Variants in DIP2C observed in about 807,000 individuals in gnomAD.
DIP2C encodes the protein disco-interacting protein 2 homolog C.
A neutral mutation model predicts 192.4 loss-of-function variants in DIP2C; 33 were observed. The observed-to-expected ratio is 0.17, with a 90% CI of 0.13 to 0.23. The LOEUF (loss-of-function observed/expected upper bound fraction) is 0.23. Ranked by LOEUF, DIP2C falls within the 10% of genes least tolerant of loss-of-function variation. The pLI is 1.00. For missense variants in DIP2C, 1,537 were observed against 2,110.1 expected (o/e 0.73, Z 5.32); for synonymous variants, 979 against 864.1 (o/e 1.13, Z -2.33).
rs567262057 is a variant in DIP2C, at chr10:425,018, T to C, written c.395-1985A>G. On this transcript the variant is annotated intron_variant, in intron 4 of 36. Transcript: ENST00000280886. ...ATACAGCATGACCAGCGGTGACTAA[T>C]ACGACACGGATGATACAGCATGACC... Among the ~76,000 whole-genome samples, 521 of 141,774 alleles carry C rather than the reference T, an allele frequency of 3.7e-3. 2 individuals are homozygous for C. The highest frequency in any genetic ancestry group is 0.013 in the African/African-American group (500 of 37,476). 93.0% of individuals were successfully genotyped at this position (141,774 alleles called of 152,430 possible).
At chr10:408,051 T>C (rs138975256) in intron 9 of DIP2C, among the ~76,000 whole-genome samples, 5 of 152,222 alleles carry the variant, frequency 3.3e-5, no homozygotes, top group East Asian at 1.9e-4. Context: ...ATTTTCTTTA[T>C]GTTTTCTTCT....
intron 2 of DIP2C, among the ~76,000 whole-genome samples, chr10:482,998 C>T (rs1243775838): frequency 6.6e-6 from 1 of 152,180 alleles, no homozygotes; most frequent in Non-Finnish European, 1.5e-5. Context: ...CTTCCTGGCT[C>T]CGGACAGTCT....
chr10:294,163 T>C, intron 32 of DIP2C, among the ~76,000 whole-genome samples: 1 of 152,176 alleles, frequency 6.6e-6, no homozygotes, highest in Non-Finnish European at 1.5e-5. Flanking sequence ...AGACACCATT[T>C]GCAGGTGTGG....
chr10:423,952 T>C (rs189629773), intron 4 of DIP2C, among the ~76,000 whole-genome samples: 7 of 152,370 alleles, frequency 4.6e-5, no homozygotes, highest in African/African-American at 1.7e-4. Context: ...TCTGTGCAGA[T>C]TGGATATCTT....
At chr10:671,807 A>G in intron 1 of DIP2C, among the ~76,000 whole-genome samples, 1 of 147,158 alleles carries the variant, frequency 6.8e-6, no homozygotes, top group East Asian at 2.1e-4. Flanking sequence ...CAGGCCACAG[A>G]CGCACGGACG....
At chr10:452,954 G>A (rs912369021) in intron 3 of DIP2C, among the ~76,000 whole-genome samples, 2 of 152,228 alleles carry the variant, frequency 1.3e-5, no homozygotes, top group Non-Finnish European at 2.9e-5. Flanking sequence ...CGAGGAAGGG[G>A]GCAGTGTTGG....
chr10:432,369 A>G (rs1007331511), intron 4 of DIP2C, among the ~76,000 whole-genome samples: 3 of 152,204 alleles, frequency 2.0e-5, no homozygotes, highest in Non-Finnish European at 2.9e-5. Context: ...AATTTAACAG[A>G]TACAGGCCTA....
intron 31 of DIP2C, among the ~76,000 whole-genome samples, chr10:314,780 A>G (rs1054704327): frequency 3.3e-5 from 5 of 152,212 alleles, no homozygotes; most frequent in South Asian, 2.1e-4. Flanking sequence ...GGCCTCTTTT[A>G]TAAGGGTGGA....
Position 488,018 on chromosome 10 carries a change from G to A in DIP2C, c.86-1488C>T, listed in dbSNP as rs180722497. Among the ~76,000 whole-genome samples the A allele has an allele frequency of 1.0e-3, 158 of 152,298 alleles. 1 individual carries two copies. Among genetic ancestry groups the A allele is most frequent in the African/African-American group, 3.6e-3 (149 of 41,574 alleles). On this transcript the variant is annotated intron_variant, in intron 1 of 36. Transcript: ENST00000280886. ...GCTTTTGGAAATGCCTTGTTAACCC[G>A]TTTTACAAACAATGTCCAAAATCTG...
At chr10:552,521 A>G (rs907882031) in intron 1 of DIP2C, among the ~76,000 whole-genome samples, 5 of 152,238 alleles carry the variant, frequency 3.3e-5, no homozygotes, top group African/African-American at 1.2e-4. Context: ...AATTCTGTTC[A>G]GTCTATTTCA....
chr10:359,448 T>A (rs1959206736), intron 22 of DIP2C, among the ~76,000 whole-genome samples: 2 of 152,210 alleles, frequency 1.3e-5, no homozygotes. Flanking sequence ...AGGCGACGTG[T>A]AGGAGCCTCG....
chr10:496,592 A>C (rs933268342), intron 1 of DIP2C, among the ~76,000 whole-genome samples: 2 of 151,224 alleles, frequency 1.3e-5, no homozygotes, highest in African/African-American at 4.9e-5. Context: ...CTGTGTACTT[A>C]AAATCTGTAC....
At position 689,636 on chromosome 10, in the gene DIP2C, G is replaced by A; in HGVS notation, c.-58C>T. 9.6e-7 allele frequency: 1 copy of A among 1,041,530 alleles called. No individual in the cohort carries two copies. Among genetic ancestry groups the A allele is most frequent in the Non-Finnish European group, 1.2e-6 (1 of 861,238 alleles). The allele number at this position is 1,041,530 out of a possible 1,614,324, so 64.5% of individuals were successfully genotyped here. Reference sequence around the variant, plus strand: ...TCTTTGTTCGCAGGCGGAGGTCTCGGCGGCTCCTCGCGCCCGGCGGAACCG... The same window carrying A: ...TCTTTGTTCGCAGGCGGAGGTCTCGACGGCTCCTCGCGCCCGGCGGAACCG... On this transcript the variant is annotated 5_prime_UTR_variant, in exon 1 of 37. Transcript: ENST00000280886. The surrounding 1 kb of genome is among the most constrained non-coding windows in gnomAD (Gnocchi z 6.1).
intron 32 of DIP2C, among the ~76,000 whole-genome samples, chr10:299,307 T>G (rs1319715158): frequency 6.6e-6 from 1 of 152,240 alleles, no homozygotes; most frequent in Middle Eastern, 3.2e-3. Flanking sequence ...CTTCCAATTC[T>G]TCCCATTACT....
At chr10:615,754 C>A (rs1853427017) in intron 1 of DIP2C, among the ~76,000 whole-genome samples, 1 of 152,162 alleles carries the variant, frequency 6.6e-6, no homozygotes, top group African/African-American at 2.4e-5. Context: ...TCCCACCAAG[C>A]TTCTTGACTT....
At chr10:475,368 G>A (rs1970977651) in intron 2 of DIP2C, among the ~76,000 whole-genome samples, 1 of 152,148 alleles carries the variant, frequency 6.6e-6, no homozygotes, top group African/African-American at 2.4e-5. Flanking sequence ...ACAGATAAAG[G>A]CACACTTCCA....
rs145754643 is a variant in DIP2C, at chr10:477,290, C to T, written c.158-4741G>A. ...GTAGAGAAGGAAGGGAAGGAAGAGA[C>T]GGGAGGAAGGTGGATGGATAGGAGA... On this transcript the variant is annotated intron_variant, in intron 2 of 36. Coordinates refer to ENST00000280886, the MANE Select transcript of DIP2C (RefSeq NM_014974.3). Among the ~76,000 whole-genome samples, 352 of 37,048 alleles carry T rather than the reference C, an allele frequency of 9.5e-3. 5 individuals carry two copies. Among genetic ancestry groups the T allele is most frequent in the South Asian group, 0.013 (12 of 900 alleles). The allele number at this position is 37,048 out of a possible 152,430, so 24.3% of individuals were successfully genotyped here. A position where few individuals can be genotyped will look rare whatever the true frequency, so the allele number is the denominator to read the frequency against.
intron 1 of DIP2C, among the ~76,000 whole-genome samples, chr10:538,407 G>A (rs1039735370): frequency 1.3e-5 from 2 of 152,172 alleles, no homozygotes; most frequent in African/African-American, 4.8e-5. Flanking sequence ...CTTCAGCCTT[G>A]GCCTTCCAAA....
intron 4 of DIP2C, among the ~76,000 whole-genome samples, chr10:424,355 G>GTTTTTTTTTTTTTTTTTTTTT (rs557255878): frequency 1.1e-4 from 9 of 83,108 alleles, no homozygotes; most frequent in African/African-American, 4.1e-4. Flanking sequence ...ATCACCTTGG[G>GTTTTTTTTTTTTTTTTTTTTT]TTTTTTTTTT....
Sources: allele counts gnomAD v4.1 joint callset (sites outside exome capture counted in the v4.1 genomes callset), GRCh38; gene constraint gnomAD v4.1.1; non-coding constraint Gnocchi (gnomAD v3.1); transcripts MANE v1.5; gene names NCBI Gene and HGNC (gene_info 2026-07-23, HGNC 2026-07-21).